RAB44: variants seen among roughly 807,000 people sequenced by gnomAD.
RAB44 encodes the protein ras-related protein Rab-44.
Under a neutral mutation model 93.3 loss-of-function variants are expected in RAB44, and 67 were observed. The observed-to-expected ratio is 0.72, with a 90% CI of 0.59 to 0.88. RAB44 has a LOEUF of 0.88. Ranked by LOEUF, RAB44 falls within the 40% of genes least tolerant of loss-of-function variation. The probability of loss-of-function intolerance (pLI) is 0.00; values close to 1 mark genes in which losing one functional copy is unlikely to be tolerated. For missense variants in RAB44, 1,064 were observed against 1,261.7 expected, an observed-to-expected ratio of 0.84 and a Z score of 2.37; for synonymous variants, 427 against 520.3, an observed-to-expected ratio of 0.82 and a Z score of 2.44.
At chr6:36,714,023 A>G (rs1762850350) in intron 3 of RAB44, 84 bp downstream of exon 3, 4 of 864,612 alleles carry the variant, frequency 4.6e-6, no homozygotes, top group Admixed American at 4.3e-5. Flanking sequence ...GTCGTTAGAA[A>G]GGCAACCCTT....
rs977380395 is a variant in RAB44 at position 36,717,533 on chromosome 6, G to A, written c.641+114G>A. The A allele has an allele frequency of 8.8e-6, 10 of 1,138,672 alleles. No homozygotes were observed. Among genetic ancestry groups the A allele is most frequent in the Non-Finnish European group, 1.1e-5 (10 of 904,248 alleles). The allele number at this position is 1,138,672 out of a possible 1,614,324, so 70.5% of individuals were successfully genotyped here. On this transcript the variant is annotated intron_variant, in intron 5 of 13. Transcript: ENST00000612677. This position sits in a 1 kb window ranked among gnomAD's most constrained non-coding sequence, Gnocchi z 4.1. ...TGCAGCTGGGCCTGTGAGCTGGATA[G>A]GGCAGAGCTGCGCTGGAGGAAGAGG...
At chr6:36,724,857 A>G (rs1481251839) in intron 9 of RAB44, among the ~76,000 whole-genome samples, 2 of 152,164 alleles carry the variant, frequency 1.3e-5, no homozygotes, top group Non-Finnish European at 2.9e-5. Flanking sequence ...TCATAGGTCA[A>G]TATTTCCCTA....
intron 10 of RAB44, among the ~76,000 whole-genome samples, chr6:36,727,080 C>T (rs1258677731): frequency 3.3e-5 from 5 of 149,732 alleles, no homozygotes; most frequent in African/African-American, 1.2e-4. Context: ...GGATTACAGG[C>T]GTGAGCCACC....
intron 1 of RAB44, among the ~76,000 whole-genome samples, chr6:36,703,304 T>C (rs1762557078): frequency 6.6e-6 from 1 of 152,190 alleles, no homozygotes; most frequent in Non-Finnish European, 1.5e-5. Context: ...ACTGCTTCAC[T>C]GGGGATCAAG....
At position 36,717,386 on chromosome 6, in the gene RAB44, C is replaced by T. The variant is rs1284323979; in HGVS notation, c.608C>T (p.Ala203Val). Residue 203 changes from alanine to valine, a missense_variant, in exon 5 of 14, where the codon GCG (alanine) becomes GTG (valine). Ala to Val is a moderately conservative substitution (Grantham distance 64). Transcript: ENST00000612677. This position sits in a 1 kb window ranked among gnomAD's most constrained non-coding sequence, Gnocchi z 4.1. ...ACCAGCCGCCTGCAGGAGGCCCAGG[C>T]GGACAAGGAGGCCCTGGAGCTGACC... The part of the protein sequence containing the change: ...KMTSRLQEAQ[A>V]DKEALELTLR... 54 of 1,232,108 alleles carry T rather than the reference C, an allele frequency of 4.4e-5. No homozygotes were observed. The highest frequency in any genetic ancestry group is 8.2e-5 in the South Asian group (2 of 24,324). 76.3% of individuals were successfully genotyped at this position (1,232,108 alleles called of 1,614,324 possible).
In RAB44 at chr6:36,717,245, C is replaced by T. The variant is rs1582629377; in HGVS notation, c.495-28C>T. The T allele has an allele frequency of 8.1e-7, 1 of 1,232,110 alleles. No homozygotes were observed. Among genetic ancestry groups the T allele is most frequent in the Non-Finnish European group, 1.0e-6 (1 of 987,954 alleles). The allele number at this position is 1,232,110 out of a possible 1,614,324, so 76.3% of individuals were successfully genotyped here. A position where few individuals can be genotyped will look rare whatever the true frequency, so the allele number is the denominator to read the frequency against. ...CCATCCCACCTTGTGTCTGACCCTC[C>T]CATCTCTGGCTGTCTTCCCCTCCCC... is the stretch of plus-strand genomic sequence containing the variant. On this transcript the variant is annotated intron_variant, in intron 4 of 13. Coordinates refer to ENST00000612677, the MANE Select transcript of RAB44 (RefSeq NM_001257357.2). The surrounding 1 kb of genome is among the most constrained non-coding windows in gnomAD (Gnocchi z 4.1).
intron 1 of RAB44, among the ~76,000 whole-genome samples, chr6:36,701,652 C>T (rs1192122407): frequency 1.3e-5 from 2 of 152,156 alleles, no homozygotes; most frequent in African/African-American, 4.8e-5. Flanking sequence ...AGTGCTCTCC[C>T]AGCACCTGAC....
chr6:36,725,752 G>C, intron 9 of RAB44, 110 bp from the exon 10 acceptor site: 2 of 730,076 alleles, frequency 2.7e-6, no homozygotes, highest in Non-Finnish European at 4.9e-6. Context: ...GCAGCCAAGG[G>C]CTCCATCGCA....
rs1372209534 is a variant in RAB44, at chr6:36,717,600, C to T, written c.641+181C>T. ...GTGGGGAGGACAGAGTTGGTAATGGCAGGAGTGGGAAGGGCAGGGTGTGTC... is the reference window on the plus strand; with the variant it reads ...GTGGGGAGGACAGAGTTGGTAATGGTAGGAGTGGGAAGGGCAGGGTGTGTC... On this transcript the variant is annotated intron_variant, in intron 5 of 13. Coordinates refer to ENST00000612677, the MANE Select transcript of RAB44 (RefSeq NM_001257357.2). The surrounding 1 kb of genome is among the most constrained non-coding windows in gnomAD (Gnocchi z 4.1). Among the ~76,000 whole-genome samples the T allele has an allele frequency of 6.6e-6, 1 of 152,062 alleles. No individual in the cohort carries two copies. The highest frequency in any genetic ancestry group is 2.4e-5 in the African/African-American group (1 of 41,386).
chr6:36,725,366 C>T (rs1763211478), intron 9 of RAB44, among the ~76,000 whole-genome samples: 1 of 152,234 alleles, frequency 6.6e-6, no homozygotes, highest in East Asian at 1.9e-4. Flanking sequence ...CCTCCAGCCA[C>T]TCTGCAGTGT....
Position 36,702,461 on chromosome 6 carries a change from T to A in RAB44, c.-12-1763T>A, listed in dbSNP as rs373448006. ...AAGGGGAGGCCGTGGAATGACCCCC[T>A]GGAATGAGCCCATGAGGCCTAAAGC... On this transcript the variant is annotated intron_variant, in intron 1 of 13. Transcript: ENST00000612677. Among the ~76,000 whole-genome samples the A allele has an allele frequency of 2.6e-5, 4 of 152,148 alleles. 1 individual carries two copies. The South Asian group carries it at 8.3e-4, about 32-fold the overall frequency.
At chr6:36,701,205 G>A (rs1324302069) in intron 1 of RAB44, among the ~76,000 whole-genome samples, 2 of 152,150 alleles carry the variant, frequency 1.3e-5, no homozygotes, top group Non-Finnish European at 2.9e-5. Context: ...TGCCTCTTGG[G>A]TTCAAGTGAT....
At chr6:36,712,887 G>A (rs1445354302) in intron 2 of RAB44, among the ~76,000 whole-genome samples, 1 of 152,096 alleles carries the variant, frequency 6.6e-6, no homozygotes, top group East Asian at 1.9e-4. Context: ...AGTCATGTGC[G>A]GCCTCAGATA....
Position 36,727,617 on chromosome 6 carries a change from G to A in RAB44, c.2722G>A (p.Gly908Arg), listed in dbSNP as rs759201341. ...MTRQLLRKADGVVLMYDITSQ... is the reference protein window; with the variant it reads ...MTRQLLRKADRVVLMYDITSQ... Reference sequence around the variant, plus strand: ...GCGACAGCTGCTCCGCAAGGCTGACGGGGTGGTGCTCATGTACGACATCAC... The same window carrying A: ...GCGACAGCTGCTCCGCAAGGCTGACAGGGTGGTGCTCATGTACGACATCAC... The change falls in exon 11 of 14, where the codon GGG (glycine) becomes AGG (arginine). Residue 908 changes from glycine to arginine, a missense_variant. Coordinates refer to ENST00000612677, the MANE Select transcript of RAB44 (RefSeq NM_001257357.2). The A allele has an allele frequency of 2.1e-5, 32 of 1,550,492 alleles. No individual in the cohort carries two copies. The highest frequency in any genetic ancestry group is 9.8e-5 in the Admixed American group (5 of 50,992).
At chr6:36,703,124 G>A (rs1387260831) in intron 1 of RAB44, among the ~76,000 whole-genome samples, 1 of 152,212 alleles carries the variant, frequency 6.6e-6, no homozygotes, top group Non-Finnish European at 1.5e-5. Context: ...TCTGGCGTGG[G>A]CCTTCTTGTG....
Position 36,722,407 on chromosome 6 carries a change from C to T in RAB44, c.2273C>T (p.Pro758Leu), listed in dbSNP as rs922034492. Residue 758 changes from proline to leucine, a missense_variant, in exon 9 of 14, where the codon CCC (proline) becomes CTC (leucine). By Grantham distance (98) the Pro-to-Leu change is moderately conservative. Transcript: ENST00000612677. Reference sequence around the variant, plus strand: ...GCTCAGCCTGGGGCTGGAGCAGGACCCCAGGAACCCACGCAAACCCCTCCC... The same window carrying T: ...GCTCAGCCTGGGGCTGGAGCAGGACTCCAGGAACCCACGCAAACCCCTCCC... ...RGAQPGAGAGPQEPTQTPPTM... is the reference protein window; with the variant it reads ...RGAQPGAGAGLQEPTQTPPTM... 18 of 1,411,700 alleles carry T rather than the reference C, an allele frequency of 1.3e-5. No homozygotes were observed. The highest frequency in any genetic ancestry group is 1.7e-5 in the Non-Finnish European group (18 of 1,086,302). 87.4% of individuals were successfully genotyped at this position (1,411,700 alleles called of 1,614,324 possible). A position where few individuals can be genotyped will look rare whatever the true frequency, so the allele number is the denominator to read the frequency against.
In RAB44 at chr6:36,727,698, A is replaced by G; in HGVS notation, c.2796+7A>G. The G allele has an allele frequency of 6.5e-7, 1 of 1,542,330 alleles. No individual in the cohort carries two copies. The highest frequency in any genetic ancestry group is 8.8e-7 in the Non-Finnish European group (1 of 1,139,502). Reference sequence around the variant, plus strand: ...CTGGCTAGACTGTCTCCAGGTGAGCAGATGGCTGCTGGGGTTGGCCCCAGT... The same window carrying G: ...CTGGCTAGACTGTCTCCAGGTGAGCGGATGGCTGCTGGGGTTGGCCCCAGT... On this transcript the variant is annotated splice_region_variant and intron_variant, in intron 11 of 13. Transcript: ENST00000612677.
intron 2 of RAB44, among the ~76,000 whole-genome samples, chr6:36,711,279 GTAAAGA>G (rs1762780434): frequency 6.6e-6 from 1 of 152,188 alleles, no homozygotes; most frequent in African/African-American, 2.4e-5. Context: ...TCAAACATAT[GTAAAGA>G]TAAAGTTGAC....
chr6:36,705,102 C>A, intron 2 of RAB44, among the ~76,000 whole-genome samples: 1 of 138,228 alleles, frequency 7.2e-6, no homozygotes, highest in South Asian at 2.3e-4. Flanking sequence ...GCCTGGGTGA[C>A]TCCATCTCAA....
Sources: allele counts gnomAD v4.1 joint callset (sites outside exome capture counted in the v4.1 genomes callset), GRCh38; gene constraint gnomAD v4.1.1; non-coding constraint Gnocchi (gnomAD v3.1); transcripts MANE v1.5; gene names NCBI Gene and HGNC (gene_info 2026-07-23, HGNC 2026-07-21).